Variants in SLC22A23 observed in about 807,000 individuals in gnomAD.
SLC22A23 encodes solute carrier family 22 member 23.
In SLC22A23, 26 loss-of-function variants were observed where a neutral mutation model predicts 61.0. The observed-to-expected ratio is 0.43, with a 90% CI of 0.31 to 0.59. SLC22A23 has a LOEUF of 0.59. SLC22A23 is among the 20% of genes least tolerant of loss of function. SLC22A23 has a pLI of 0.11. For synonymous variants in SLC22A23, 430 were observed against 413.9 expected (o/e 1.04, Z -0.47); for missense variants, 796 against 934.7 (o/e 0.85, Z 1.94).
At chr6:3,279,368 G>A (rs778662452) in intron 9 of SLC22A23, among the ~76,000 whole-genome samples, 1 of 151,466 alleles carries the variant, frequency 6.6e-6, no homozygotes, top group Admixed American at 6.6e-5. Flanking sequence ...AAAATTAGTT[G>A]GGTGTGGTGG....
At chr6:3,398,840 G>A (rs1433765341) in intron 3 of SLC22A23, among the ~76,000 whole-genome samples, 1 of 151,998 alleles carries the variant, frequency 6.6e-6, no homozygotes, top group East Asian at 1.9e-4. Flanking sequence ...ACCAGCCTGA[G>A]CAACATCGTG....
At position 3,324,359 on chromosome 6, in the gene SLC22A23, C is replaced by A. The variant is rs139606241; in HGVS notation, c.914-357G>T. Among the ~76,000 whole-genome samples, 1 of 152,196 alleles carries A rather than the reference C, an allele frequency of 6.6e-6. No homozygotes were observed. Among genetic ancestry groups the A allele is most frequent in the Non-Finnish European group, 1.5e-5 (1 of 68,042 alleles). On this transcript the variant is annotated intron_variant, in intron 3 of 9. Coordinates refer to ENST00000406686, the MANE Select transcript of SLC22A23 (RefSeq NM_015482.2). This position sits in a 1 kb window ranked among gnomAD's most constrained non-coding sequence, Gnocchi z 4.3. ...ACGTCACTGAGCTTGCTGTCCAGCA[C>A]GTTCCCCCCTCGTGCCCATCCTGTC...
chr6:3,321,961 G>GA (rs112545708), intron 4 of SLC22A23, among the ~76,000 whole-genome samples: 61,121 of 152,054 alleles, frequency 0.4, 12,775 homozygotes, highest in African/African-American at 0.46. Flanking sequence ...GCAAAATATT[G>GA]AAAGTTGCTT....
At chr6:3,280,120 A>G (rs1433300382) in intron 9 of SLC22A23, among the ~76,000 whole-genome samples, 1 of 152,250 alleles carries the variant, frequency 6.6e-6, no homozygotes, top group African/African-American at 2.4e-5. Flanking sequence ...AGAAATAAAT[A>G]CAACTGCTGA....
chr6:3,306,565 T>C (rs570478924), intron 4 of SLC22A23, among the ~76,000 whole-genome samples: 1 of 152,336 alleles, frequency 6.6e-6, no homozygotes, highest in South Asian at 2.1e-4. Context: ...AGCTGGGATT[T>C]AAACCCAGAC....
chr6:3,333,500 C>T lies in SLC22A23; in HGVS notation c.914-9498G>A, dbSNP rs1167259901. 1.3e-5 allele frequency among the ~76,000 whole-genome samples: 2 copies of T among 152,150 alleles called. No individual in the cohort carries two copies. The highest frequency in any genetic ancestry group is 1.5e-5 in the Non-Finnish European group (1 of 68,006). On this transcript the variant is annotated intron_variant, in intron 3 of 9. Transcript: ENST00000406686. This position sits in a 1 kb window ranked among gnomAD's most constrained non-coding sequence, Gnocchi z 4.1. ...GCTCCACTTCAGCCACACTGGCCTC[C>T]CTGCTGCTCCTCTAACCCAGCAAGC...
intron 1 of SLC22A23, chr6:3,432,262 T>C: frequency 1.0e-6 from 1 of 985,474 alleles, no homozygotes; most frequent in African/African-American, 1.7e-5. Flanking sequence ...GCTCTGTTCC[T>C]CTGCTGAGTG....
At chr6:3,300,554 G>A (rs540842578) in intron 4 of SLC22A23, among the ~76,000 whole-genome samples, 1 of 152,254 alleles carries the variant, frequency 6.6e-6, no homozygotes, top group Non-Finnish European at 1.5e-5. Flanking sequence ...AGAATCTGCT[G>A]GTGCCTTAAT....
At position 3,387,446 on chromosome 6, in the gene SLC22A23, C is replaced by G. The variant is rs558518097; in HGVS notation, c.913+22742G>C. ...GGTCACAAAAGACAAACCCAAGGAA[C>G]TGTCACAGATCAGAGGCGACTGTGG... On this transcript the variant is annotated intron_variant, in intron 3 of 9. Coordinates refer to ENST00000406686, the MANE Select transcript of SLC22A23 (RefSeq NM_015482.2). The surrounding 1 kb of genome is among the most constrained non-coding windows in gnomAD (Gnocchi z 5.0). Among the ~76,000 whole-genome samples, 1 of 152,362 alleles carries G rather than the reference C, an allele frequency of 6.6e-6. No individual in the cohort carries two copies. Among genetic ancestry groups the G allele is most frequent in the East Asian group, 1.9e-4 (1 of 5,182 alleles).
At chr6:3,439,455 A>G (rs1402523675) in intron 1 of SLC22A23, 4 of 344,732 alleles carry the variant, frequency 1.2e-5, no homozygotes, top group Non-Finnish European at 2.3e-5. Flanking sequence ...TCTGTGACCT[A>G]CCTAAAGTTC....
chr6:3,312,853 A>C (rs1762439873), intron 4 of SLC22A23: 1 of 152,322 alleles, frequency 6.6e-6, no homozygotes, highest in African/African-American at 2.4e-5. Flanking sequence ...ACATGTGCAC[A>C]CATGCACACA....
At chr6:3,319,116 C>A (rs1010724382) in intron 4 of SLC22A23, among the ~76,000 whole-genome samples, 1 of 152,204 alleles carries the variant, frequency 6.6e-6, no homozygotes, top group African/African-American at 2.4e-5. Context: ...ACACAGGATT[C>A]CCCTGCTTAA....
chr6:3,347,958 G>C (rs1428097226), intron 3 of SLC22A23, among the ~76,000 whole-genome samples: 1 of 152,200 alleles, frequency 6.6e-6, no homozygotes, highest in African/African-American at 2.4e-5. Flanking sequence ...TCCTGTCTCT[G>C]CGTGGTGATG....
rs986109074 is a variant in SLC22A23, at chr6:3,324,170, G to A, written c.914-168C>T. On this transcript the variant is annotated intron_variant, in intron 3 of 9. Transcript: ENST00000406686. The surrounding 1 kb of genome is among the most constrained non-coding windows in gnomAD (Gnocchi z 4.3). ...TGGTGTGCCAGTGTTTTACGGGCGC[G>A]TTGAGGCTCCAACTGGGAAGGGAAG... 3.2e-5 allele frequency: 24 copies of A among 749,820 alleles called. No individual in the cohort carries two copies. The highest frequency in any genetic ancestry group is 1.4e-4 in the African/African-American group (8 of 56,776). 46.4% of individuals were successfully genotyped at this position (749,820 alleles called of 1,614,324 possible).
chr6:3,289,975 G>C, intron 5 of SLC22A23, 109 bp from the exon 6 acceptor site: 2 of 544,342 alleles, frequency 3.7e-6, no homozygotes, highest in Non-Finnish European at 3.4e-6. Flanking sequence ...AGAAGGGAGA[G>C]AGAAGCTTTT....
At chr6:3,385,884 T>C (rs934290681) in intron 3 of SLC22A23, among the ~76,000 whole-genome samples, 1 of 152,248 alleles carries the variant, frequency 6.6e-6, no homozygotes, top group Non-Finnish European at 1.5e-5. Context: ...AGAGCTAGAA[T>C]ACTGCAAAGG....
At chr6:3,312,846 T>C (rs1314989075) in intron 4 of SLC22A23, 2 of 152,316 alleles carry the variant, frequency 1.3e-5, no homozygotes, top group African/African-American at 2.4e-5. Flanking sequence ...CATCTGTACA[T>C]GTGCACACAT....
At chr6:3,450,338 G>A (rs748183241) in intron 1 of SLC22A23, among the ~76,000 whole-genome samples, 3 of 152,100 alleles carry the variant, frequency 2.0e-5, no homozygotes, top group African/African-American at 4.8e-5. Context: ...ACGGAGTCTC[G>A]CTCTGTTGCT....
chr6:3,397,977 T>A (rs1768119093), intron 3 of SLC22A23, among the ~76,000 whole-genome samples: 1 of 152,172 alleles, frequency 6.6e-6, no homozygotes, highest in Admixed American at 6.5e-5. Context: ...CAGCAAACAC[T>A]TCCCATGTAG....
Sources: allele counts gnomAD v4.1 joint callset (sites outside exome capture counted in the v4.1 genomes callset), GRCh38; gene constraint gnomAD v4.1.1; non-coding constraint Gnocchi (gnomAD v3.1); transcripts MANE v1.5; gene names NCBI Gene and HGNC (gene_info 2026-07-23, HGNC 2026-07-21).